Variants in TTF2 observed in about 807,000 individuals in gnomAD.
The protein encoded by TTF2 is RNA polymerase II termination factor.
Under a neutral mutation model 142.4 loss-of-function variants are expected in TTF2, and 108 were observed. The ratio of observed to expected loss-of-function variants is 0.76; its 90% CI spans 0.65 to 0.89. The LOEUF is 0.89. TTF2 is among the 40% of genes least tolerant of loss of function. The pLI is 0.00. For missense variants in TTF2, 1,327 were observed against 1,379.8 expected, an observed-to-expected ratio of 0.96 and a Z score of 0.61; for synonymous variants, 483 against 506.2, an observed-to-expected ratio of 0.95 and a Z score of 0.61.
rs1348277041 is a variant in TTF2 at position 117,060,476 on chromosome 1, C to G, written c.50C>G (p.Thr17Ser). Reference protein sequence around the residue: ...PEHGTFCFLKTGVRDGPNKGK... With the variant: ...PEHGTFCFLKSGVRDGPNKGK... ...TCAGGGACTTTCTGCTTTCTTAAGA[C>G]CGGCGTCCGCGATGGCCCGAATAAA... The change falls in exon 2 of 23, where the codon ACC (threonine) becomes AGC (serine). Residue 17 changes from threonine (T) to serine (S), a missense_variant. By Grantham distance (58) the Thr-to-Ser change is moderately conservative (BLOSUM62 1). Coordinates refer to ENST00000369466, the MANE Select transcript of TTF2 (RefSeq NM_003594.4). 3 of 1,613,866 alleles carry G rather than the reference C, an allele frequency of 1.9e-6. No individual in the cohort carries two copies. Among genetic ancestry groups the G allele is most frequent in the Non-Finnish European group, 2.5e-6 (3 of 1,179,890 alleles).
Position 117,092,597 on chromosome 1 carries a change from T to A in TTF2, c.2806-134T>A, listed in dbSNP as rs924327594. On this transcript the variant is annotated intron_variant, in intron 17 of 22. Transcript: ENST00000369466. This position sits in a 1 kb window ranked among gnomAD's most constrained non-coding sequence, Gnocchi z 4.4. Reference sequence around the variant, plus strand: ...GCAAGATCACACTTTAATCAAGGTGTCTTGAGGAGTTACTGATGACAAATT... The same window carrying A: ...GCAAGATCACACTTTAATCAAGGTGACTTGAGGAGTTACTGATGACAAATT... The A allele has an allele frequency of 8.6e-6, 8 of 932,484 alleles. No homozygotes were observed. In the East Asian group the frequency reaches 1.6e-4, roughly 18 times the overall value. The allele number at this position is 932,484 out of a possible 1,614,324, so 57.8% of individuals were successfully genotyped here.
intron 3 of TTF2, 35 bp downstream of exon 3, chr1:117,062,508 CTT>C (rs35553508): frequency 3.8e-3 from 4,861 of 1,267,282 alleles, no homozygotes; most frequent in Admixed American, 5.6e-3. Flanking sequence ...AGTGTATTTG[CTT>C]TTTTTTTTTT....
In TTF2 at chr1:117,100,352, C is replaced by T. The variant is rs1649487339; in HGVS notation, c.3345-1028C>T. On this transcript the variant is annotated intron_variant, in intron 22 of 22. Coordinates refer to ENST00000369466, the MANE Select transcript of TTF2 (RefSeq NM_003594.4). The surrounding 1 kb of genome is among the most constrained non-coding windows in gnomAD (Gnocchi z 4.6). ...TTTCTGATAACCATTTCTTCCTTCC[C>T]ATGCCCACTGCCAGGTCCCCCCTTC... 6.6e-6 allele frequency among the ~76,000 whole-genome samples: 1 copy of T among 152,122 alleles called. No homozygotes were observed. The highest frequency in any genetic ancestry group is 2.4e-5 in the African/African-American group (1 of 41,424).
chr1:117,072,355 G>GA (rs1359962054), intron 3 of TTF2, among the ~76,000 whole-genome samples: 2 of 147,346 alleles, frequency 1.4e-5, no homozygotes, highest in Admixed American at 1.4e-4. Context: ...GCCCTATTTT[G>GA]AAAAAAATCC....
Position 117,102,020 on chromosome 1 carries a change from T to C in TTF2, c.*496T>C, listed in dbSNP as rs569437934. 5 of 152,692 alleles carry C rather than the reference T, an allele frequency of 3.3e-5. No homozygotes were observed. The highest frequency in any genetic ancestry group is 3.4e-3 in the Middle Eastern group (1 of 296). The allele number at this position is 152,692 out of a possible 1,614,324, so 9.5% of individuals were successfully genotyped here. The stretch of plus-strand genomic sequence containing the variant: ...AGCTAGGCGTGGTAGTGCACACCTG[T>C]AGTCCTAGCTACTTGGGAGGCTGAG... On this transcript the variant is annotated 3_prime_UTR_variant, in exon 23 of 23. Transcript: ENST00000369466.
rs748414424 is a variant in TTF2, at chr1:117,104,573, A to G, written c.*3049A>G. 6 of 152,178 alleles carry G rather than the reference A, an allele frequency of 3.9e-5. No individual in the cohort carries two copies. The highest frequency in any genetic ancestry group is 8.8e-5 in the Non-Finnish European group (6 of 68,022). 9.4% of individuals were successfully genotyped at this position (152,178 alleles called of 1,614,324 possible). A position where few individuals can be genotyped will look rare whatever the true frequency, so the allele number is the denominator to read the frequency against. On this transcript the variant is annotated 3_prime_UTR_variant, in exon 23 of 23. Transcript: ENST00000369466. The stretch of plus-strand genomic sequence containing the variant: ...AACAGCTTTTCTAATTTCTCATGTT[A>G]TTGTACATAAGCAAAGCAACCTAGT...
At position 117,090,402 on chromosome 1, in the gene TTF2, T is replaced by C. The variant is rs976347193; in HGVS notation, c.2497-130T>C. The C allele has an allele frequency of 6.2e-6, 7 of 1,135,600 alleles. No homozygotes were observed. The highest frequency in any genetic ancestry group is 2.3e-5 in the Admixed American group (1 of 42,922). 70.3% of individuals were successfully genotyped at this position (1,135,600 alleles called of 1,614,324 possible). On this transcript the variant is annotated intron_variant, in intron 14 of 22. Transcript: ENST00000369466. This position sits in a 1 kb window ranked among gnomAD's most constrained non-coding sequence, Gnocchi z 4.8. Reference sequence around the variant, plus strand: ...GTTGTACTGTATGTTGGAGCAGTCCTGTGTCTAAGAAAGGGTGGAAGCTGC... The same window carrying C: ...GTTGTACTGTATGTTGGAGCAGTCCCGTGTCTAAGAAAGGGTGGAAGCTGC...
rs1202705172 is a variant in TTF2, at chr1:117,086,222, C to T, written c.2055-195C>T. Among the ~76,000 whole-genome samples, 1 of 151,058 alleles carries T rather than the reference C, an allele frequency of 6.6e-6. No homozygotes were observed. Among genetic ancestry groups the T allele is most frequent in the Non-Finnish European group, 1.5e-5 (1 of 67,932 alleles). On this transcript the variant is annotated intron_variant, in intron 11 of 22. Transcript: ENST00000369466. This position sits in a 1 kb window ranked among gnomAD's most constrained non-coding sequence, Gnocchi z 4.2. Reference sequence around the variant, plus strand: ...ATCAGAGGTAAGAGATAGGGAAACCCAAGTGGGTAAAATTTACCTCCAAAA... The same window carrying T: ...ATCAGAGGTAAGAGATAGGGAAACCTAAGTGGGTAAAATTTACCTCCAAAA...
intron 13 of TTF2, among the ~76,000 whole-genome samples, chr1:117,089,260 C>CAAAATATATATATATATATATATATA (rs1553198319): frequency 7.3e-6 from 1 of 137,468 alleles, no homozygotes; most frequent in African/African-American, 2.7e-5. Context: ...CAAATATATG[C>CAAAATATATATATATATATATATATA]TATATATATA....
In TTF2 at chr1:117,092,882, G is replaced by A. The variant is rs143131893; in HGVS notation, c.2957G>A (p.Gly986Asp). 645 of 1,614,160 alleles carry A rather than the reference G, an allele frequency of 4.0e-4. 1 individual carries two copies. In the Admixed American group the frequency reaches 4.2e-3, roughly 11 times the overall value. The change falls in exon 18 of 23, where the codon GGC (glycine) becomes GAC (aspartate). Residue 986 changes from glycine (G) to aspartate (D), a missense_variant. Gly to Asp is a moderately conservative substitution (Grantham distance 94). Transcript: ENST00000369466. The surrounding 1 kb of genome is among the most constrained non-coding windows in gnomAD (Gnocchi z 4.4). ...TTCTTCAAGATGGAGCTTTTTGAAG[G>A]CATGCGAGAGAGCACCAAGGTACTT... ...GTFFKMELFE[G>D]MRESTKISSL...
At position 117,090,438 on chromosome 1, in the gene TTF2, T is replaced by C; in HGVS notation, c.2497-94T>C. ...AAGGGTGGAAGCTGCATTCCAGGGT[T>C]GACTAGATATGCAGTGTCAGTATGG... On this transcript the variant is annotated intron_variant, in intron 14 of 22. Coordinates refer to ENST00000369466, the MANE Select transcript of TTF2 (RefSeq NM_003594.4). This position sits in a 1 kb window ranked among gnomAD's most constrained non-coding sequence, Gnocchi z 4.8. 3 of 1,259,390 alleles carry C rather than the reference T, an allele frequency of 2.4e-6. No homozygotes were observed. Among genetic ancestry groups the C allele is most frequent in the Non-Finnish European group, 3.4e-6 (3 of 881,280 alleles). The allele number at this position is 1,259,390 out of a possible 1,614,324, so 78.0% of individuals were successfully genotyped here. A position where few individuals can be genotyped will look rare whatever the true frequency, so the allele number is the denominator to read the frequency against.
At chr1:117,068,018 C>G (rs1007412286) in intron 3 of TTF2, among the ~76,000 whole-genome samples, 2 of 152,210 alleles carry the variant, frequency 1.3e-5, no homozygotes, top group African/African-American at 4.8e-5. Flanking sequence ...CCTCTGTGTA[C>G]AGGCAGTAAA....
rs768770967 is a variant in TTF2 at position 117,099,939 on chromosome 1, T to TGAAGGAA, written c.3344+1033_3344+1034insAAGGAAG. On this transcript the variant is annotated intron_variant, in intron 22 of 22. Transcript: ENST00000369466. This position sits in a 1 kb window ranked among gnomAD's most constrained non-coding sequence, Gnocchi z 4.3. Reference sequence around the variant, plus strand: ...TACATTCCTTCCTTCACAAATTCTGTGCACTCCAGTAAGTCCAAAATTTGT... The same window carrying TGAAGGAA: ...TACATTCCTTCCTTCACAAATTCTGTGAAGGAAGCACTCCAGTAAGTCCAAAATTTGT... 7.2e-5 allele frequency among the ~76,000 whole-genome samples: 11 copies of TGAAGGAA among 152,254 alleles called. No homozygotes were observed. The highest frequency in any genetic ancestry group is 1.6e-4 in the Non-Finnish European group (11 of 68,042).
At position 117,063,056 on chromosome 1, in the gene TTF2, A is replaced by G. The variant is rs1655811438; in HGVS notation, c.218+583A>G. 6.6e-6 allele frequency among the ~76,000 whole-genome samples: 1 copy of G among 152,196 alleles called. No homozygotes were observed. Among genetic ancestry groups the G allele is most frequent in the African/African-American group, 2.4e-5 (1 of 41,452 alleles). On this transcript the variant is annotated intron_variant, in intron 3 of 22. Coordinates refer to ENST00000369466, the MANE Select transcript of TTF2 (RefSeq NM_003594.4). This position sits in a 1 kb window ranked among gnomAD's most constrained non-coding sequence, Gnocchi z 4.1. ...ATTTGATTTGTTAATAGTTTAACAT[A>G]TCTTTAAACAGAGACTTTAGGCGAT...
chr1:117,077,676 C>T (rs1427917632), intron 7 of TTF2, among the ~76,000 whole-genome samples: 1 of 152,066 alleles, frequency 6.6e-6, no homozygotes, highest in Non-Finnish European at 1.5e-5. Flanking sequence ...GTAATAGGAT[C>T]AGTTGACAGG....
rs915758437 is a variant in TTF2, at chr1:117,095,818, C to G, written c.3036-331C>G. 9.8e-5 allele frequency among the ~76,000 whole-genome samples: 15 copies of G among 152,314 alleles called. 1 individual carries two copies. Among genetic ancestry groups the G allele is most frequent in the Admixed American group, 8.5e-4 (13 of 15,300 alleles). ...TTCTGGCTGGCACAAGAAGGGTGGT[C>G]AGTGTGTCCCTTTTGTGCAGGACCA... On this transcript the variant is annotated intron_variant, in intron 19 of 22. Transcript: ENST00000369466.
rs548744751 is a variant in TTF2, at chr1:117,100,621, C to T, written c.3345-759C>T. Among the ~76,000 whole-genome samples, 3 of 152,344 alleles carry T rather than the reference C, an allele frequency of 2.0e-5. No homozygotes were observed. Among genetic ancestry groups the T allele is most frequent in the African/African-American group, 4.8e-5 (2 of 41,588 alleles). Reference sequence around the variant, plus strand: ...CTCCAATACACCATGCTCTGAAACTCAGCCATGGTTTTGCACGTGTTCCCA... The same window carrying T: ...CTCCAATACACCATGCTCTGAAACTTAGCCATGGTTTTGCACGTGTTCCCA... On this transcript the variant is annotated intron_variant, in intron 22 of 22. Transcript: ENST00000369466. This position sits in a 1 kb window ranked among gnomAD's most constrained non-coding sequence, Gnocchi z 4.6.
Position 117,101,635 on chromosome 1 carries a change from C to A in TTF2, c.*111C>A. The A allele has an allele frequency of 8.2e-7, 1 of 1,219,420 alleles. No individual in the cohort carries two copies. Among genetic ancestry groups the A allele is most frequent in the Non-Finnish European group, 1.1e-6 (1 of 929,536 alleles). The allele number at this position is 1,219,420 out of a possible 1,614,324, so 75.5% of individuals were successfully genotyped here. On this transcript the variant is annotated 3_prime_UTR_variant, in exon 23 of 23. Transcript: ENST00000369466. This position sits in a 1 kb window ranked among gnomAD's most constrained non-coding sequence, Gnocchi z 5.9. ...TCTGTTCTTTGCATTTCAATTTCAC[C>A]GTCAAGCCTTTCACCTTCCTCAAAA...
In TTF2 at chr1:117,086,307, G is replaced by A. The variant is rs1007364991; in HGVS notation, c.2055-110G>A. On this transcript the variant is annotated intron_variant, in intron 11 of 22. Coordinates refer to ENST00000369466, the MANE Select transcript of TTF2 (RefSeq NM_003594.4). This position sits in a 1 kb window ranked among gnomAD's most constrained non-coding sequence, Gnocchi z 4.2. Reference sequence around the variant, plus strand: ...TTAAGGACACAAGTTAATGAGTTCTGCTGTTTGTCCTTCCATTTGTAGGCA... The same window carrying A: ...TTAAGGACACAAGTTAATGAGTTCTACTGTTTGTCCTTCCATTTGTAGGCA... 4.3e-6 allele frequency: 3 copies of A among 697,978 alleles called. No homozygotes were observed. Among genetic ancestry groups the A allele is most frequent in the Non-Finnish European group, 7.7e-6 (3 of 391,932 alleles). The allele number at this position is 697,978 out of a possible 1,614,324, so 43.2% of individuals were successfully genotyped here. A position where few individuals can be genotyped will look rare whatever the true frequency, so the allele number is the denominator to read the frequency against.
Sources: allele counts gnomAD v4.1 joint callset (sites outside exome capture counted in the v4.1 genomes callset), GRCh38; gene constraint gnomAD v4.1.1; non-coding constraint Gnocchi (gnomAD v3.1); transcripts MANE v1.5; gene names NCBI Gene and HGNC (gene_info 2026-07-23, HGNC 2026-07-21).